The following LRP5 variants were observed in gnomAD, a reference collection of about 807,000 sequenced individuals.
LRP5 encodes LDL receptor related protein 5.
LRP5 carries 62 observed loss-of-function variants against 154.1 expected under a neutral mutation model. That is an observed-to-expected ratio of 0.40 (90% CI 0.33 to 0.50). The LOEUF (loss-of-function observed/expected upper bound fraction) is 0.50, where lower values mean the gene tolerates loss of function less well. LRP5 is among the 20% of genes least tolerant of loss of function. LRP5 has a pLI of 0.55. For synonymous variants in LRP5, 966 were observed against 1,011.5 expected (o/e 0.96, Z 0.85); for missense variants, 1,915 against 2,336.7 (o/e 0.82, Z 3.72).
In LRP5 at chr11:68,357,861, C is replaced by T. The variant is rs2098624485; in HGVS notation, c.686+14C>T. 1 of 1,603,686 alleles carries T rather than the reference C, an allele frequency of 6.2e-7. No homozygotes were observed. The highest frequency in any genetic ancestry group is 8.5e-7 in the Non-Finnish European group (1 of 1,175,598). ...CGGCTCGTTCCGGTAGGTACCCACG[C>T]AGTCCTGGGGCACCCCTTTCCCCTT... On this transcript the variant is annotated intron_variant, in intron 3 of 22. Coordinates refer to ENST00000294304, the MANE Select transcript of LRP5 (RefSeq NM_002335.4).
intron 10 of LRP5, among the ~76,000 whole-genome samples, chr11:68,410,840 C>T (rs1408739751): frequency 1.3e-5 from 2 of 152,124 alleles, no homozygotes; most frequent in African/African-American, 4.8e-5. Context: ...CCCTGCCTGT[C>T]GCCTGTTCTG....
At chr11:68,327,988 C>G (rs1365927111) in intron 1 of LRP5, among the ~76,000 whole-genome samples, 1 of 152,252 alleles carries the variant, frequency 6.6e-6, no homozygotes, top group East Asian at 1.9e-4. Context: ...CAACACTGGA[C>G]TTTGCAGGCA....
At chr11:68,378,412 C>T (rs1295393419) in intron 5 of LRP5, among the ~76,000 whole-genome samples, 2 of 152,166 alleles carry the variant, frequency 1.3e-5, no homozygotes, top group South Asian at 2.1e-4. Flanking sequence ...ACCCTGGACA[C>T]CGAATGAGCC....
At chr11:68,392,100 C>T (rs965317634) in intron 7 of LRP5, among the ~76,000 whole-genome samples, 11 of 152,216 alleles carry the variant, frequency 7.2e-5, no homozygotes, top group South Asian at 4.1e-4. Flanking sequence ...CCACCTGCCT[C>T]GGCCTCCCAA....
intron 5 of LRP5, among the ~76,000 whole-genome samples, chr11:68,383,937 TC>T (rs1166864284): frequency 6.6e-6 from 1 of 152,120 alleles, no homozygotes; most frequent in Non-Finnish European, 1.5e-5. Flanking sequence ...CAGATTCCCC[TC>T]CCCCTACCAA....
At position 68,426,287 on chromosome 11, in the gene LRP5, G is replaced by A. The variant is rs138678613; in HGVS notation, c.3637+100G>A. 8.2e-4 allele frequency: 847 copies of A among 1,038,182 alleles called. 6 individuals carry two copies. The African/African-American group carries it at 0.011, about 14-fold the overall frequency. 64.3% of individuals were successfully genotyped at this position (1,038,182 alleles called of 1,614,324 possible). On this transcript the variant is annotated intron_variant, in intron 16 of 22. Coordinates refer to ENST00000294304, the MANE Select transcript of LRP5 (RefSeq NM_002335.4). ...CAAGATCCTGTGTGGCCTCAGCCAGGCGGTGGTCTCTGCCAGATGCCAACT... is the reference window on the plus strand; with the variant it reads ...CAAGATCCTGTGTGGCCTCAGCCAGACGGTGGTCTCTGCCAGATGCCAACT...
chr11:68,362,035 G>A (rs919624069), intron 3 of LRP5, among the ~76,000 whole-genome samples: 8 of 152,356 alleles, frequency 5.3e-5, no homozygotes, highest in African/African-American at 1.7e-4. Context: ...AGGTCCCCCA[G>A]TGGGTGAATG....
At chr11:68,440,273 G>A (rs140400289) in intron 21 of LRP5, among the ~76,000 whole-genome samples, 87 of 152,286 alleles carry the variant, frequency 5.7e-4, no homozygotes, top group African/African-American at 1.9e-3. Context: ...TCCCCACAGG[G>A]TTCCCTCCAC....
At position 68,433,822 on chromosome 11, in the gene LRP5, C is replaced by CGAGGCGGACTGT. The variant is rs1446540034; in HGVS notation, c.3987_3998dup (p.Glu1329_Cys1332dup). 6.2e-7 allele frequency: 1 copy of CGAGGCGGACTGT among 1,612,390 alleles called. No homozygotes were observed. Among genetic ancestry groups the CGAGGCGGACTGT allele is most frequent in the Admixed American group, 1.7e-5 (1 of 59,968 alleles). ...AGGCAGACTGTCAGGACCGCTCAGA[C>CGAGGCGGACTGT]GAGGCGGACTGTGACGGTGAGGCCC... On this transcript the variant is annotated inframe_insertion, in exon 18 of 23. Transcript: ENST00000294304.
chr11:68,333,848 C>G (rs532191885), intron 1 of LRP5, among the ~76,000 whole-genome samples: 1 of 152,232 alleles, frequency 6.6e-6, no homozygotes, highest in African/African-American at 2.4e-5. Flanking sequence ...GGCAGTTGCC[C>G]CCAGATTGAT....
At chr11:68,325,073 C>T (rs1475056404) in intron 1 of LRP5, among the ~76,000 whole-genome samples, 1 of 152,212 alleles carries the variant, frequency 6.6e-6, no homozygotes, top group Non-Finnish European at 1.5e-5. Context: ...GACTATAGCC[C>T]AGAGCGGGAT....
intron 8 of LRP5, among the ~76,000 whole-genome samples, chr11:68,405,469 CAAAAAAA>C (rs772035158): frequency 1.8e-5 from 1 of 55,862 alleles, no homozygotes; most frequent in Admixed American, 2.0e-4. Flanking sequence ...GACCCTGTCT[CAAAAAAA>C]AAAAAAAAAA....
At position 68,410,146 on chromosome 11, in the gene LRP5, T is replaced by A; in HGVS notation, c.2318+6T>A. The A allele has an allele frequency of 6.2e-7, 1 of 1,611,744 alleles. No homozygotes were observed. The highest frequency in any genetic ancestry group is 2.2e-5 in the East Asian group (1 of 44,816). On this transcript the variant is annotated splice_donor_region_variant and intron_variant, in intron 10 of 22. Coordinates refer to ENST00000294304, the MANE Select transcript of LRP5 (RefSeq NM_002335.4). ...GCCCTGGATCCCACCAAGGGGTAAGTGTTTGCCTGTCCCGTGCGTCCTTGT... is the reference window on the plus strand; with the variant it reads ...GCCCTGGATCCCACCAAGGGGTAAGAGTTTGCCTGTCCCGTGCGTCCTTGT...
At chr11:68,371,106 C>G (rs1422860902) in intron 5 of LRP5, among the ~76,000 whole-genome samples, 1 of 152,118 alleles carries the variant, frequency 6.6e-6, no homozygotes, top group Non-Finnish European at 1.5e-5. Context: ...GCCCTGGGCC[C>G]TTTTGAAGCT....
At chr11:68,299,463 A>G in the LRP5 span, among the ~76,000 whole-genome samples, 1 of 147,074 alleles carries the variant, frequency 6.8e-6, no homozygotes, top group Admixed American at 6.6e-5. Flanking sequence ...AGTGGGGTGG[A>G]GTCCTCAGTG....
At position 68,425,102 on chromosome 11, in the gene LRP5, G is replaced by A. The variant is rs760734436; in HGVS notation, c.3237G>A (p.Gly1079=). The A allele has an allele frequency of 3.7e-6, 6 of 1,613,578 alleles. No homozygotes were observed. The South Asian group carries it at 6.6e-5, about 18-fold the overall frequency. ...TCCTTCACCCGCCACCCTCCCGCAG[G>A]TACCTGTACTTCACCAACATGCAGG... is the stretch of plus-strand genomic sequence containing the variant. ...PRAIVVNAER[G]YLYFTNMQDR... The change falls in exon 15 of 23, where the codon GGG becomes GGA. Residue 1079 remains glycine, a splice_region_variant and synonymous_variant. Transcript: ENST00000294304.
chr11:68,444,397 A>C (rs1201800923), intron 21 of LRP5, among the ~76,000 whole-genome samples: 1 of 152,084 alleles, frequency 6.6e-6, no homozygotes, highest in Admixed American at 6.5e-5. Context: ...CATGCCTGTA[A>C]TCCCAGCTTC....
At chr11:68,363,132 C>T (rs1474064206) in intron 3 of LRP5, among the ~76,000 whole-genome samples, 1 of 152,222 alleles carries the variant, frequency 6.6e-6, no homozygotes, top group Non-Finnish European at 1.5e-5. Flanking sequence ...GGAGCGAGTG[C>T]ACATGGCCTG....
upstream of LRP5, among the ~76,000 whole-genome samples, chr11:68,310,705 C>T (rs2098587149): frequency 1.4e-5 from 2 of 144,722 alleles, no homozygotes; most frequent in Admixed American, 7.2e-5. Flanking sequence ...CAATGAGCTA[C>T]GATCACACCA....
Sources: allele counts gnomAD v4.1 joint callset (sites outside exome capture counted in the v4.1 genomes callset), GRCh38; gene constraint gnomAD v4.1.1; transcripts MANE v1.5; gene names NCBI Gene and HGNC (gene_info 2026-07-23, HGNC 2026-07-21).